Variants in PAM observed in about 807,000 individuals in gnomAD.
PAM encodes the protein peptidylglycine alpha-amidating monooxygenase, also known as peptidyl-glycine alpha-amidating monooxygenase.
Under a neutral mutation model 122.1 loss-of-function variants are expected in PAM, and 72 were observed. That is an observed-to-expected ratio of 0.59 (90% CI 0.49 to 0.72). The LOEUF (loss-of-function observed/expected upper bound fraction) is 0.72. Ranked by LOEUF, PAM falls within the 30% of genes least tolerant of loss-of-function variation. The pLI is 0.00. For synonymous variants in PAM, 389 were observed against 404.4 expected (o/e 0.96, Z 0.46); for missense variants, 1,106 against 1,183.7 (o/e 0.93, Z 0.96).
At chr5:102,827,329 C>T (rs1353437641) in intron 1 of PAM, among the ~76,000 whole-genome samples, 1 of 152,052 alleles carries the variant, frequency 6.6e-6, no homozygotes, top group Non-Finnish European at 1.5e-5. Flanking sequence ...AAAAAAAAAT[C>T]CAAAACCTGA....
intron 8 of PAM, among the ~76,000 whole-genome samples, chr5:102,947,215 G>A (rs750022591): frequency 5.3e-5 from 8 of 151,828 alleles, no homozygotes; most frequent in East Asian, 1.9e-4. Context: ...GCTGGAGGTC[G>A]CCCTCATATC....
chr5:103,011,989 G>A (rs61692475), intron 21 of PAM, among the ~76,000 whole-genome samples: 87 of 152,170 alleles, frequency 5.7e-4, no homozygotes, highest in African/African-American at 1.8e-3. Flanking sequence ...TTGTAGTTTC[G>A]ATTTGCATTT....
chr5:102,800,150 C>T (rs1024236491), intron 1 of PAM, among the ~76,000 whole-genome samples: 1 of 152,206 alleles, frequency 6.6e-6, no homozygotes, highest in African/African-American at 2.4e-5. Flanking sequence ...ACATTCTAAG[C>T]TAATTTCTGT....
At chr5:103,009,589 T>C (rs567619855) in intron 20 of PAM, among the ~76,000 whole-genome samples, 162 bp from the exon 21 acceptor site, 3 of 152,202 alleles carry the variant, frequency 2.0e-5, no homozygotes, top group Non-Finnish European at 4.4e-5. Flanking sequence ...ACTGATCTGG[T>C]TACTCAGGAG....
chr5:102,891,659 A>T (rs1337351212), intron 3 of PAM, among the ~76,000 whole-genome samples: 4 of 151,870 alleles, frequency 2.6e-5, no homozygotes, highest in Non-Finnish European at 5.9e-5. Flanking sequence ...TTGGCTTTCC[A>T]TCTCTTATTT....
chr5:102,801,634 G>T (rs1764722747), intron 1 of PAM, among the ~76,000 whole-genome samples: 1 of 152,100 alleles, frequency 6.6e-6, no homozygotes, highest in South Asian at 2.1e-4. Context: ...GGCTCTGCTG[G>T]TCTTCTTAGG....
intron 7 of PAM, among the ~76,000 whole-genome samples, chr5:102,939,817 C>G (rs543660060): frequency 6.6e-6 from 1 of 151,766 alleles, no homozygotes; most frequent in East Asian, 1.9e-4. Flanking sequence ...ACCAAGGAAC[C>G]AAAACACAAT....
intron 7 of PAM, among the ~76,000 whole-genome samples, chr5:102,931,818 CTCTCTCTCTCTCTCTG>C (rs1255208146): frequency 2.6e-5 from 4 of 151,954 alleles, no homozygotes; most frequent in Non-Finnish European, 5.9e-5. Context: ...CTCTCTCTCT[CTCTCTCTCTCTCTCTG>C]TCTCTCTCGG....
chr5:102,933,724 G>A (rs952171682), intron 7 of PAM, among the ~76,000 whole-genome samples: 3 of 152,198 alleles, frequency 2.0e-5, no homozygotes, highest in African/African-American at 7.2e-5. Context: ...GAAGACTACT[G>A]CCAGGAAGCT....
chr5:102,995,459 T>A (rs1486674464), intron 16 of PAM, among the ~76,000 whole-genome samples: 2 of 152,084 alleles, frequency 1.3e-5, no homozygotes, highest in Non-Finnish European at 2.9e-5. Context: ...TAAGAGAAAA[T>A]CACGTTTTTT....
chr5:102,769,084 A>G (rs1462309519), intron 1 of PAM, among the ~76,000 whole-genome samples: 1 of 152,058 alleles, frequency 6.6e-6, no homozygotes, highest in Non-Finnish European at 1.5e-5. Context: ...TTTTATTTGC[A>G]TTTCTCTGAT....
chr5:102,901,514 T>C (rs1218507651), intron 4 of PAM, 101 bp downstream of exon 4: 38 of 701,394 alleles, frequency 5.4e-5, no homozygotes, highest in East Asian at 2.7e-5. Context: ...ATTAATCTTT[T>C]ACTGTCAGTT....
intron 3 of PAM, among the ~76,000 whole-genome samples, chr5:102,869,035 C>T (rs1176409109): frequency 6.6e-6 from 1 of 152,168 alleles, no homozygotes; most frequent in Admixed American, 6.6e-5. Context: ...TCTGTATTCA[C>T]CTTGGCCTCA....
chr5:102,984,241 C>T (rs1399209647), intron 15 of PAM, among the ~76,000 whole-genome samples: 1 of 152,100 alleles, frequency 6.6e-6, no homozygotes, highest in Admixed American at 6.5e-5. Flanking sequence ...TCCTCACCTA[C>T]CGATAATAAC....
At chr5:102,995,552 T>G (rs910596638) in intron 16 of PAM, among the ~76,000 whole-genome samples, 5 of 152,042 alleles carry the variant, frequency 3.3e-5, no homozygotes, top group Admixed American at 1.3e-4. Context: ...ACTCCCTGAT[T>G]CTCAGTTGCT....
chr5:102,898,041 A>G (rs2151361477), intron 3 of PAM, among the ~76,000 whole-genome samples: 1 of 151,764 alleles, frequency 6.6e-6, no homozygotes. Flanking sequence ...GGGGAGTAAT[A>G]GGATATTATA....
intron 3 of PAM, among the ~76,000 whole-genome samples, chr5:102,872,341 T>C (rs140331723): frequency 0.01 from 1,582 of 152,322 alleles, 18 homozygotes; most frequent in Non-Finnish European, 0.013. Context: ...AAGTTATTAC[T>C]TATTTTAAAA....
intron 1 of PAM, among the ~76,000 whole-genome samples, chr5:102,763,301 A>G (rs773195170): frequency 1.3e-5 from 2 of 152,158 alleles, no homozygotes; most frequent in Non-Finnish European, 2.9e-5. Context: ...AAAATTTTTT[A>G]TCTATGTATT....
chr5:103,002,595 A>G (rs1582781079), intron 16 of PAM, among the ~76,000 whole-genome samples: 1 of 152,312 alleles, frequency 6.6e-6, no homozygotes, highest in Admixed American at 6.5e-5. Context: ...CTATTATTAT[A>G]ATTAATGACA....
Sources: gnomAD v4.1 joint callset for allele counts (sites outside exome capture counted in the v4.1 genomes callset) on GRCh38, gnomAD v4.1.1 for gene constraint, MANE v1.5 for transcripts, NCBI Gene and HGNC (gene_info 2026-07-23, HGNC 2026-07-21) for gene names.